Variants in ARSF observed in about 807,000 individuals in gnomAD.
ARSF encodes the protein arylsulfatase F.
A neutral mutation model predicts 35.4 loss-of-function variants in ARSF; 33 were observed. The ratio of observed to expected loss-of-function variants is 0.93; its 90% confidence interval spans 0.71 to 1.25. ARSF has a LOEUF of 1.25. Ranked by LOEUF, ARSF falls within the 50% of genes most tolerant of loss-of-function variation. ARSF has a pLI of 0.00. For synonymous variants in ARSF, 222 were observed against 193.1 expected, an observed-to-expected ratio of 1.15 and a Z score of -1.24; for missense variants, 501 against 480.2, an observed-to-expected ratio of 1.04 and a Z score of -0.40.
chrX:3,092,360 A>C (rs2090300448), intron 7 of ARSF, among the ~76,000 whole-genome samples: 1 of 111,988 alleles, frequency 8.9e-6, no homozygotes, highest in African/African-American at 3.2e-5. Flanking sequence ...AAATCAATGA[A>C]ATAGGTCATT....
Position 3,089,481 on chromosome X carries a change from T to G in ARSF, c.831-15T>G. 1 of 1,209,852 alleles carries G rather than the reference T, an allele frequency of 8.3e-7. No individual in the cohort carries two copies. ...TATTGAAAACTCACAAGTAGTTTCA[T>G]TGATGTCTTCTCAGGCACAGTAAGG... On this transcript the variant is annotated splice_polypyrimidine_tract_variant and intron_variant, in intron 6 of 10. Transcript: ENST00000381127.
chrX:3,051,445 G>A (rs1209646505), intron 1 of ARSF, among the ~76,000 whole-genome samples: 1 of 111,950 alleles, frequency 8.9e-6, no homozygotes, highest in African/African-American at 3.2e-5. Flanking sequence ...GCTATGGGAT[G>A]TTAACCGAAG....
intron 3 of ARSF, among the ~76,000 whole-genome samples, chrX:3,076,035 A>C (rs2090146033): frequency 4.5e-5 from 4 of 89,039 alleles, no homozygotes; most frequent in Admixed American, 1.3e-4. Context: ...CCCTCTGTTT[A>C]TCTCTCTTTC....
intron 1 of ARSF, among the ~76,000 whole-genome samples, chrX:3,063,838 T>C (rs1325420812): frequency 1.8e-5 from 2 of 111,965 alleles, no homozygotes; most frequent in Non-Finnish European, 3.8e-5. Context: ...TCCATGCTCA[T>C]GGATAGGAAG....
chrX:3,050,546 C>CAAA (rs572650651), intron 1 of ARSF, among the ~76,000 whole-genome samples: 2 of 53,254 alleles, frequency 3.8e-5, no homozygotes, highest in East Asian at 5.6e-4. Flanking sequence ...AACTCTGTCT[C>CAAA]AAAAAAAAAA....
At chrX:3,097,471 A>G (rs2090344896) in intron 7 of ARSF, among the ~76,000 whole-genome samples, 3 of 112,039 alleles carry the variant, frequency 2.7e-5, no homozygotes, top group Non-Finnish European at 5.6e-5. Context: ...CCTTCCAAAA[A>G]TATCAGCAAA....
chrX:3,075,765 CTCTCTTTGTCTA>C (rs1163375208), intron 3 of ARSF, among the ~76,000 whole-genome samples: 1 of 108,661 alleles, frequency 9.2e-6, no homozygotes, highest in Non-Finnish European at 1.9e-5. Context: ...GTCTCTGTCT[CTCTCTTTGTCTA>C]TCTCACTCTA....
chrX:3,047,124 C>T (rs2089978722), intron 1 of ARSF, among the ~76,000 whole-genome samples: 1 of 111,118 alleles, frequency 9.0e-6, no homozygotes, highest in African/African-American at 3.3e-5. Context: ...CGTCAGCTTC[C>T]TGAGTTCCCT....
intron 5 of ARSF, 123 bp from the exon 6 acceptor site, chrX:3,084,120 C>T: frequency 1.2e-6 from 1 of 852,377 alleles, no homozygotes; most frequent in Non-Finnish European, 1.6e-6. Flanking sequence ...GAGAATATCT[C>T]TGCTACTTTA....
intron 4 of ARSF, among the ~76,000 whole-genome samples, chrX:3,080,362 T>C (rs2090190935): frequency 9.1e-6 from 1 of 109,387 alleles, no homozygotes; most frequent in African/African-American, 3.3e-5. Context: ...TAGTTCCAGC[T>C]ACTTGGGAGG....
intron 1 of ARSF, among the ~76,000 whole-genome samples, chrX:3,055,909 GA>G (rs1167355633): frequency 9.0e-6 from 1 of 111,177 alleles, no homozygotes; most frequent in Non-Finnish European, 1.9e-5. Flanking sequence ...TTTAAGGTTT[GA>G]AAAAGAAATG....
intron 2 of ARSF, among the ~76,000 whole-genome samples, chrX:3,069,454 G>C (rs938792129): frequency 2.7e-5 from 3 of 109,359 alleles, no homozygotes; most frequent in Non-Finnish European, 5.7e-5. Flanking sequence ...CTCCAGAGTA[G>C]CTGGGACTAC....
intron 4 of ARSF, among the ~76,000 whole-genome samples, chrX:3,080,099 G>A (rs1384887958): frequency 1.8e-5 from 2 of 109,983 alleles, no homozygotes; most frequent in African/African-American, 6.6e-5. Flanking sequence ...ATTCCAGATA[G>A]CGGTTCTTGG....
intron 5 of ARSF, among the ~76,000 whole-genome samples, chrX:3,081,264 G>C (rs1204085519): frequency 1.8e-5 from 2 of 111,777 alleles, no homozygotes; most frequent in Non-Finnish European, 3.8e-5. Context: ...GCTAGGCATT[G>C]TGGCATGTGC....
chrX:3,095,583 A>G (rs1290511526), intron 7 of ARSF, among the ~76,000 whole-genome samples: 2 of 109,770 alleles, frequency 1.8e-5, no homozygotes, highest in Non-Finnish European at 3.8e-5. Flanking sequence ...GGTTTCCAAC[A>G]TAGGTATGTT....
chrX:3,049,008 AAAGACTAGGGTGTCAACGAG>A (rs1460265397), intron 1 of ARSF, among the ~76,000 whole-genome samples: 1 of 112,190 alleles, frequency 8.9e-6, no homozygotes, highest in African/African-American at 3.2e-5. Context: ...GATGCTACCA[AAAGACTAGGGTGTCAACGAG>A]AAGAGACAAA....
chrX:3,073,671 T>A (rs1037219278), intron 3 of ARSF, among the ~76,000 whole-genome samples: 1 of 100,030 alleles, frequency 1.0e-5, no homozygotes, highest in African/African-American at 3.6e-5. Context: ...TATAATTAAA[T>A]ATATAATTAA....
intron 5 of ARSF, among the ~76,000 whole-genome samples, chrX:3,082,685 T>C (rs1192426595): frequency 1.8e-5 from 2 of 111,922 alleles, no homozygotes; most frequent in African/African-American, 6.5e-5. Flanking sequence ...TATACAAATA[T>C]GCTCCATCTG....
intron 1 of ARSF, among the ~76,000 whole-genome samples, chrX:3,059,610 G>A (rs1237531526): frequency 8.9e-6 from 1 of 112,470 alleles, no homozygotes; most frequent in African/African-American, 3.2e-5. Flanking sequence ...AATGGTCTTA[G>A]CAAAGAGCAC....
Sources: gnomAD v4.1 joint callset for allele counts (sites outside exome capture counted in the v4.1 genomes callset) on GRCh38, gnomAD v4.1.1 for gene constraint, MANE v1.5 for transcripts, NCBI Gene and HGNC (gene_info 2026-07-23, HGNC 2026-07-21) for gene names.